PDZRN3: variants seen among roughly 807,000 people sequenced by gnomAD.
PDZRN3 encodes the protein PDZ domain containing ring finger 3, also known as E3 ubiquitin-protein ligase PDZRN3.
PDZRN3 carries 38 observed loss-of-function variants against 85.7 expected under a neutral mutation model. The observed-to-expected ratio is 0.44, with a 90% CI of 0.34 to 0.58. The LOEUF (loss-of-function observed/expected upper bound fraction) is 0.58. Among genes scored for constraint, PDZRN3 ranks in the 20% least tolerant of loss-of-function variants. The probability of loss-of-function intolerance (pLI) is 0.01; values close to 1 mark genes in which losing one functional copy is unlikely to be tolerated. For synonymous variants in PDZRN3, 759 were observed against 638.0 expected (o/e 1.19, Z -2.86); for missense variants, 1,629 against 1,506.4 (o/e 1.08, Z -1.35).
At chr3:73,615,571 C>A (rs1417814925) in intron 1 of PDZRN3, among the ~76,000 whole-genome samples, 1 of 152,148 alleles carries the variant, frequency 6.6e-6, no homozygotes, top group Non-Finnish European at 1.5e-5. Flanking sequence ...AAACCCTCAC[C>A]CTTTCTACTA....
intron 3 of PDZRN3, among the ~76,000 whole-genome samples, chr3:73,588,128 C>G (rs1702304143): frequency 6.6e-6 from 1 of 152,134 alleles, no homozygotes; most frequent in Non-Finnish European, 1.5e-5. Flanking sequence ...CTGTTCCTCT[C>G]TGTGTCCATG....
intron 3 of PDZRN3, among the ~76,000 whole-genome samples, chr3:73,503,777 C>T (rs1204591761): frequency 2.0e-5 from 3 of 152,128 alleles, no homozygotes; most frequent in Non-Finnish European, 2.9e-5. Flanking sequence ...TTTTTTGGGG[C>T]AGAAAGGTAT....
chr3:73,488,520 T>C (rs1238930196), intron 3 of PDZRN3, among the ~76,000 whole-genome samples: 2 of 152,220 alleles, frequency 1.3e-5, no homozygotes, highest in Non-Finnish European at 2.9e-5. Context: ...TTCTCATAGC[T>C]TGGGACTTGG....
At chr3:73,522,060 T>C (rs1704380632) in intron 3 of PDZRN3, among the ~76,000 whole-genome samples, 1 of 152,218 alleles carries the variant, frequency 6.6e-6, no homozygotes, top group South Asian at 2.1e-4. Context: ...GAAATTCAAA[T>C]TTCACTGTCC....
chr3:73,436,896 A>T (rs956529986), intron 3 of PDZRN3, among the ~76,000 whole-genome samples: 2 of 152,016 alleles, frequency 1.3e-5, no homozygotes, highest in Non-Finnish European at 2.9e-5. Flanking sequence ...AATACAAAAA[A>T]TTAGCCAGGT....
At chr3:73,564,226 A>C (rs900625563) in intron 3 of PDZRN3, among the ~76,000 whole-genome samples, 1 of 152,222 alleles carries the variant, frequency 6.6e-6, no homozygotes, top group Non-Finnish European at 1.5e-5. Flanking sequence ...TCCCATGTGA[A>C]AAATGTGTCT....
rs776735797 is a variant in PDZRN3, at chr3:73,383,470, T to C, written c.3096A>G (p.Lys1032=). ...HKKMMKKRNK[K]IFDNWMTIQE... The stretch of plus-strand genomic sequence containing the variant: ...GGATCGTCATCCAGTTATCGAAGAT[T>C]TTCTTATTCCTCTTCTTCATCATCT... Residue 1032 remains lysine (K), a synonymous_variant, in exon 10 of 10, where the codon AAA becomes AAG. Coordinates refer to ENST00000263666, the MANE Select transcript of PDZRN3 (RefSeq NM_015009.3). 4 of 1,614,160 alleles carry C rather than the reference T, an allele frequency of 2.5e-6. No individual in the cohort carries two copies. The South Asian group carries it at 4.4e-5, about 18-fold the overall frequency.
chr3:73,443,361 T>C (rs1214310961), intron 3 of PDZRN3, among the ~76,000 whole-genome samples: 1 of 152,208 alleles, frequency 6.6e-6, no homozygotes, highest in Non-Finnish European at 1.5e-5. Context: ...TGGGTGACTT[T>C]CCACATGGAG....
At chr3:73,506,550 C>A (rs1030131739) in intron 3 of PDZRN3, among the ~76,000 whole-genome samples, 1 of 152,088 alleles carries the variant, frequency 6.6e-6, no homozygotes. Context: ...TAATCTAGTG[C>A]CACTTTTTAC....
At chr3:73,404,640 G>T in intron 3 of PDZRN3, 1 of 457,766 alleles carries the variant, frequency 2.2e-6, no homozygotes, top group Admixed American at 3.9e-5. Flanking sequence ...TAGCTTCCCC[G>T]TGGAATGTCT....
At chr3:73,624,018 G>T (rs544736742) in intron 1 of PDZRN3, 85 bp downstream of exon 1, 14 of 1,242,846 alleles carry the variant, frequency 1.1e-5, no homozygotes, top group Non-Finnish European at 1.5e-5. Flanking sequence ...GAAGCTCGGG[G>T]CATCCCTGTA....
At chr3:73,596,667 C>T (rs1014389877) in intron 3 of PDZRN3, among the ~76,000 whole-genome samples, 3 of 152,152 alleles carry the variant, frequency 2.0e-5, no homozygotes. Context: ...AATTAAGGGA[C>T]AGTCCAGAAA....
At chr3:73,486,998 T>C (rs1703675446) in intron 3 of PDZRN3, among the ~76,000 whole-genome samples, 1 of 152,222 alleles carries the variant, frequency 6.6e-6, no homozygotes, top group Non-Finnish European at 1.5e-5. Context: ...TTTTACACCT[T>C]GTCTCCTCTT....
intron 3 of PDZRN3, among the ~76,000 whole-genome samples, chr3:73,439,630 A>G (rs533823508): frequency 6.6e-6 from 1 of 152,356 alleles, no homozygotes; most frequent in African/African-American, 2.4e-5. Flanking sequence ...GAATGCACAC[A>G]CAAAAAATGT....
chr3:73,559,063 AC>A (rs1480386160), intron 3 of PDZRN3, among the ~76,000 whole-genome samples: 1 of 152,116 alleles, frequency 6.6e-6, no homozygotes, highest in Non-Finnish European at 1.5e-5. Flanking sequence ...CCTCAATAAG[AC>A]CCCAGGCACA....
At chr3:73,503,625 T>C (rs1367676470) in intron 3 of PDZRN3, among the ~76,000 whole-genome samples, 1 of 152,248 alleles carries the variant, frequency 6.6e-6, no homozygotes, top group African/African-American at 2.4e-5. Context: ...CATCTAATGC[T>C]TTTCCCTATG....
chr3:73,384,989 G>C, intron 9 of PDZRN3, 59 bp from the exon 10 acceptor site: 1 of 1,528,314 alleles, frequency 6.5e-7, no homozygotes, highest in Non-Finnish European at 8.8e-7. Context: ...CAGGTACTCA[G>C]GTTTGACCTT....
At chr3:73,536,055 A>G (rs900221630) in intron 3 of PDZRN3, among the ~76,000 whole-genome samples, 2 of 152,234 alleles carry the variant, frequency 1.3e-5, no homozygotes, top group African/African-American at 4.8e-5. Context: ...CACCAACAAC[A>G]ACAATACCAA....
chr3:73,574,460 G>GC (rs1424473515), intron 3 of PDZRN3, among the ~76,000 whole-genome samples: 2 of 140,598 alleles, frequency 1.4e-5, no homozygotes, highest in South Asian at 2.4e-4. Flanking sequence ...GCTGGGGTGG[G>GC]GGGGGTGGGG....
Sources: gnomAD v4.1 joint callset for allele counts (sites outside exome capture counted in the v4.1 genomes callset) on GRCh38, gnomAD v4.1.1 for gene constraint, MANE v1.5 for transcripts, NCBI Gene and HGNC (gene_info 2026-07-23, HGNC 2026-07-21) for gene names.